GPATCH8: variants seen among roughly 807,000 people sequenced by gnomAD.
GPATCH8 encodes the protein G-patch domain containing 8.
In GPATCH8, 18 loss-of-function variants were observed where a neutral mutation model predicts 118.3. That is an observed-to-expected ratio of 0.15 (90% CI 0.11 to 0.23). The LOEUF (loss-of-function observed/expected upper bound fraction) is 0.23, where lower values mean the gene tolerates loss of function less well. Ranked by LOEUF, GPATCH8 falls within the 10% of genes least tolerant of loss-of-function variation. The pLI, the probability that GPATCH8 is intolerant of heterozygous loss-of-function variation, is 1.00. For missense variants in GPATCH8, 1,631 were observed against 1,873.8 expected, an observed-to-expected ratio of 0.87 and a Z score of 2.39; for synonymous variants, 659 against 684.7, an observed-to-expected ratio of 0.96 and a Z score of 0.59.
intron 1 of GPATCH8, among the ~76,000 whole-genome samples, chr17:44,500,381 C>A (rs1362658276): frequency 6.6e-6 from 1 of 152,116 alleles, no homozygotes; most frequent in Non-Finnish European, 1.5e-5. Flanking sequence ...GGAATAGGAC[C>A]TGTTTGTTAT....
rs201746559 is a variant in GPATCH8, at chr17:44,400,206, C to T, written c.1871G>A (p.Arg624His). ...SKEVGGEKIV[R>H]SSGGRMDAPA... Reference sequence around the variant, plus strand: ...TGCGTCCATTCTGCCTCCTGAGGAACGTACTATTTTCTCTCCGCCCACTTC... The same window carrying T: ...TGCGTCCATTCTGCCTCCTGAGGAATGTACTATTTTCTCTCCGCCCACTTC... The change falls in exon 8 of 8, where the codon CGT becomes CAT. Residue 624 changes from arginine to histidine, a missense_variant. Coordinates refer to ENST00000591680, the MANE Select transcript of GPATCH8 (RefSeq NM_001002909.4). 1.6e-5 allele frequency: 26 copies of T among 1,614,032 alleles called. No homozygotes were observed. The highest frequency in any genetic ancestry group is 1.9e-5 in the Non-Finnish European group (22 of 1,180,044).
At position 44,476,210 on chromosome 17, in the gene GPATCH8, C is replaced by CCTT. The variant is rs536159999; in HGVS notation, c.46-1308_46-1307insAAG. Among the ~76,000 whole-genome samples, 21 of 146,254 alleles carry CCTT rather than the reference C, an allele frequency of 1.4e-4. 1 individual carries two copies. The highest frequency in any genetic ancestry group is 5.2e-4 in the African/African-American group (21 of 40,194). The stretch of plus-strand genomic sequence containing the variant: ...CAAACAAAGAGCCACGCTGTTTTAC[C>CCTT]TTTTTTTTTTTTGAGACAAAGTCTC... On this transcript the variant is annotated intron_variant, in intron 1 of 7. Coordinates refer to ENST00000591680, the MANE Select transcript of GPATCH8 (RefSeq NM_001002909.4).
intron 1 of GPATCH8, among the ~76,000 whole-genome samples, chr17:44,482,714 A>T (rs1015221214): frequency 3.9e-5 from 6 of 152,142 alleles, no homozygotes; most frequent in Admixed American, 6.6e-5. Flanking sequence ...AATTAAAAAA[A>T]ATATATTTCT....
At chr17:44,412,568 G>C (rs2143774543) in intron 6 of GPATCH8, among the ~76,000 whole-genome samples, 2 of 151,954 alleles carry the variant, frequency 1.3e-5, no homozygotes, top group South Asian at 4.2e-4. Context: ...ATTTTTAGTA[G>C]AGACAGGGTT....
At chr17:44,490,597 T>G (rs1376397510) in intron 1 of GPATCH8, among the ~76,000 whole-genome samples, 1 of 152,112 alleles carries the variant, frequency 6.6e-6, no homozygotes, top group Non-Finnish European at 1.5e-5. Flanking sequence ...GTTTTTCATT[T>G]ATGCTGATCA....
chr17:44,464,721 T>A, intron 2 of GPATCH8, 177 bp from the exon 3 acceptor site: 1 of 610,766 alleles, frequency 1.6e-6, no homozygotes, highest in South Asian at 1.9e-5. Flanking sequence ...AAAGAAAAGC[T>A]GGCTAGTATT....
chr17:44,397,452 G>T lies in GPATCH8; in HGVS notation c.*116C>A. Reference sequence around the variant, plus strand: ...CCTGCAAGCCAAAACTCAATTCTTTGGCTGTCAGACACTGCCCATCCCAGC... The same window carrying T: ...CCTGCAAGCCAAAACTCAATTCTTTTGCTGTCAGACACTGCCCATCCCAGC... On this transcript the variant is annotated 3_prime_UTR_variant, in exon 8 of 8. Coordinates refer to ENST00000591680, the MANE Select transcript of GPATCH8 (RefSeq NM_001002909.4). The T allele has an allele frequency of 2.6e-6, 2 of 766,854 alleles. No homozygotes were observed. The highest frequency in any genetic ancestry group is 2.3e-6 in the Non-Finnish European group (1 of 431,138). 47.5% of individuals were successfully genotyped at this position (766,854 alleles called of 1,614,324 possible).
intron 4 of GPATCH8, 45 bp from the exon 5 acceptor site, chr17:44,435,196 C>G: frequency 1.1e-6 from 1 of 874,586 alleles, no homozygotes; most frequent in African/African-American, 1.6e-5. Flanking sequence ...TAAAGTACCC[C>G]CAAGATTAGC....
intron 3 of GPATCH8, among the ~76,000 whole-genome samples, chr17:44,442,896 A>G (rs1046780667): frequency 2.0e-5 from 3 of 152,196 alleles, no homozygotes; most frequent in African/African-American, 7.2e-5. Flanking sequence ...TGGGCAATAG[A>G]GCAAGACTCT....
Position 44,435,165 on chromosome 17 carries a change from G to A in GPATCH8, c.262-14C>T, listed in dbSNP as rs761281223. The A allele has an allele frequency of 8.5e-7, 1 of 1,176,752 alleles. No homozygotes were observed. The highest frequency in any genetic ancestry group is 1.7e-5 in the Admixed American group (1 of 59,472). 72.9% of individuals were successfully genotyped at this position (1,176,752 alleles called of 1,614,324 possible). The stretch of plus-strand genomic sequence containing the variant: ...AGCATAATCAAGCTTGACAAAAATA[G>A]ATATGATTAGATTTAATTCCTAAAG... On this transcript the variant is annotated splice_polypyrimidine_tract_variant and intron_variant, in intron 4 of 7. Transcript: ENST00000591680.
chr17:44,464,197 C>CA (rs1345628374), intron 3 of GPATCH8, among the ~76,000 whole-genome samples: 62 of 149,658 alleles, frequency 4.1e-4, no homozygotes, highest in Non-Finnish European at 7.4e-4. Flanking sequence ...TCACCTCCAC[C>CA]AAAAAAAAAA....
Position 44,397,709 on chromosome 17 carries a change from A to G in GPATCH8, c.4368T>C (p.Pro1456=). 6.2e-7 allele frequency: 1 copy of G among 1,608,650 alleles called. No individual in the cohort carries two copies. Among genetic ancestry groups the G allele is most frequent in the Non-Finnish European group, 8.5e-7 (1 of 1,176,462 alleles). The change falls in exon 8 of 8, where the codon CCT becomes CCC. Residue 1456 remains proline (P), a synonymous_variant. Coordinates refer to ENST00000591680, the MANE Select transcript of GPATCH8 (RefSeq NM_001002909.4). The stretch of plus-strand genomic sequence containing the variant: ...TGGGGTAGAGGGCAGCATGTGGGAC[A>G]GGGTGAAAGGTGAAGGGCCCAGGAT... ...AIHPGPFTFH[P]VPHAALYPTL... is the part of the protein sequence containing the mutation.
At chr17:44,402,616 T>A (rs979635097) in intron 7 of GPATCH8, among the ~76,000 whole-genome samples, 1 of 152,132 alleles carries the variant, frequency 6.6e-6, no homozygotes, top group Non-Finnish European at 1.5e-5. Context: ...AGACCCCACC[T>A]CTAAAAAAAA....
chr17:44,408,058 G>GAA (rs1193615903), intron 6 of GPATCH8, among the ~76,000 whole-genome samples: 6 of 152,112 alleles, frequency 3.9e-5, no homozygotes, highest in Non-Finnish European at 7.4e-5. Context: ...GGGGCAGAAA[G>GAA]AAAAGGCTTA....
At chr17:44,499,961 A>G (rs933842882) in intron 1 of GPATCH8, among the ~76,000 whole-genome samples, 5 of 152,172 alleles carry the variant, frequency 3.3e-5, no homozygotes, top group African/African-American at 1.2e-4. Context: ...ACAGGTAACA[A>G]TATATCCTCT....
chr17:44,446,638 G>C (rs773154359), intron 3 of GPATCH8, among the ~76,000 whole-genome samples: 5 of 152,120 alleles, frequency 3.3e-5, no homozygotes, highest in Non-Finnish European at 5.9e-5. Context: ...GAAAATATTT[G>C]AGTAGAAAAT....
intron 5 of GPATCH8, among the ~76,000 whole-genome samples, chr17:44,432,384 A>T (rs186109522): frequency 1.3e-5 from 2 of 152,298 alleles, no homozygotes; most frequent in African/African-American, 2.4e-5. Flanking sequence ...AGATACGACA[A>T]GGGTAGTTAA....
chr17:44,398,672 G>C lies in GPATCH8; in HGVS notation c.3405C>G (p.Leu1135=). ...CAGGCTTATTGCCAAGAGATGGGGG[G>C]AGCTTGGGCCCAAAGTAACCTTGTG... ...DPPQGYFGPK[L]PPSLGNKPVL... is the part of the protein sequence containing the mutation. Residue 1135 remains leucine (L), a synonymous_variant, in exon 8 of 8, where the codon CTC becomes CTG. Transcript: ENST00000591680. The C allele has an allele frequency of 1.3e-6, 2 of 1,571,062 alleles. No homozygotes were observed. The highest frequency in any genetic ancestry group is 1.7e-6 in the Non-Finnish European group (2 of 1,158,290).
At chr17:44,444,788 A>C (rs1400813134) in intron 3 of GPATCH8, among the ~76,000 whole-genome samples, 1 of 152,212 alleles carries the variant, frequency 6.6e-6, no homozygotes, top group African/African-American at 2.4e-5. Context: ...GGGGGAAAAA[A>C]AGTGGTAGCA....
Sources: gnomAD v4.1 joint callset for allele counts (sites outside exome capture counted in the v4.1 genomes callset) on GRCh38, gnomAD v4.1.1 for gene constraint, MANE v1.5 for transcripts, NCBI Gene and HGNC (gene_info 2026-07-23, HGNC 2026-07-21) for gene names.